Variants in TRIM71 observed in about 807,000 individuals in gnomAD.
TRIM71 encodes tripartite motif containing 71.
TRIM71 carries 9 observed loss-of-function variants against 61.2 expected under a neutral mutation model. That is an observed-to-expected ratio of 0.15 (90% CI 0.09 to 0.26). The LOEUF (loss-of-function observed/expected upper bound fraction) is 0.26, where lower values mean the gene tolerates loss of function less well. Among genes scored for constraint, TRIM71 ranks in the 10% least tolerant of loss-of-function variants. The pLI, the probability that TRIM71 is intolerant of heterozygous loss-of-function variation, is 1.00. For synonymous variants in TRIM71, 645 were observed against 553.2 expected (o/e 1.17, Z -2.33); for missense variants, 998 against 1,238.7 (o/e 0.81, Z 2.92).
At chr3:32,857,785 A>G (rs1696621663) in intron 1 of TRIM71, among the ~76,000 whole-genome samples, 1 of 152,228 alleles carries the variant, frequency 6.6e-6, no homozygotes, top group African/African-American at 2.4e-5. Flanking sequence ...AGCCTGGCCA[A>G]CATGGCGAAA....
intron 2 of TRIM71, among the ~76,000 whole-genome samples, chr3:32,885,028 G>A (rs1006408369): frequency 2.6e-5 from 4 of 151,952 alleles, no homozygotes; most frequent in Admixed American, 6.6e-5. Context: ...GGTTTGCCCC[G>A]GACTGTCCCA....
At chr3:32,820,920 C>T (rs1056653861) in intron 1 of TRIM71, among the ~76,000 whole-genome samples, 1 of 152,150 alleles carries the variant, frequency 6.6e-6, no homozygotes, top group Non-Finnish European at 1.5e-5. Flanking sequence ...TCTGCTTGCT[C>T]CCTTTAGCTT....
At chr3:32,845,113 C>G (rs187655884) in intron 1 of TRIM71, among the ~76,000 whole-genome samples, 19 of 152,298 alleles carry the variant, frequency 1.2e-4, no homozygotes, top group African/African-American at 4.3e-4. Context: ...CTAAATGGAG[C>G]TGAACAGGAG....
At chr3:32,834,837 T>A (rs1696314769) in intron 1 of TRIM71, among the ~76,000 whole-genome samples, 1 of 151,958 alleles carries the variant, frequency 6.6e-6, no homozygotes, top group African/African-American at 2.4e-5. Context: ...CGAGACTCCA[T>A]CTCAAAAAAA....
Position 32,818,613 on chromosome 3 carries a change from G to T in TRIM71, c.533G>T (p.Arg178Leu), listed in dbSNP as rs1428669687. 5.1e-5 allele frequency: 72 copies of T among 1,403,572 alleles called. No homozygotes were observed. Among genetic ancestry groups the T allele is most frequent in the Non-Finnish European group, 6.1e-5 (66 of 1,086,654 alleles). 86.9% of individuals were successfully genotyped at this position (1,403,572 alleles called of 1,614,324 possible). The change falls in exon 1 of 4, where the codon CGC becomes CTC. Residue 178 changes from arginine (R) to leucine (L), a missense_variant. Transcript: ENST00000383763. ...PQAPQPPAPSRSAPGGPAASP... is the reference protein window; with the variant it reads ...PQAPQPPAPSLSAPGGPAASP... ...GCGCCGCAGCCGCCCGCGCCTTCCC[G>T]CTCGGCACCCGGCGGCCCTGCCGCT...
chr3:32,854,014 A>T (rs1243964329), intron 1 of TRIM71, among the ~76,000 whole-genome samples: 1 of 151,990 alleles, frequency 6.6e-6, no homozygotes, highest in Non-Finnish European at 1.5e-5. Context: ...CAAAAAAAAA[A>T]AAAGGAAAGA....
chr3:32,844,534 G>A (rs761605946), intron 1 of TRIM71, among the ~76,000 whole-genome samples: 7 of 152,122 alleles, frequency 4.6e-5, no homozygotes, highest in Non-Finnish European at 1.0e-4. Flanking sequence ...GTAGCTAGGA[G>A]TACAGGCACT....
rs371765696 is a variant in TRIM71 at position 32,885,911 on chromosome 3, G to A, written c.1021-23G>A. On this transcript the variant is annotated intron_variant, in intron 2 of 3. Coordinates refer to ENST00000383763, the MANE Select transcript of TRIM71 (RefSeq NM_001039111.3). Reference sequence around the variant, plus strand: ...ATGACAGTCCTTCTAATGCCTCGAAGTTGTTTCTTTTTGGTTTTCCAGCTG... The same window carrying A: ...ATGACAGTCCTTCTAATGCCTCGAAATTGTTTCTTTTTGGTTTTCCAGCTG... The A allele has an allele frequency of 5.6e-6, 9 of 1,607,246 alleles. No individual in the cohort carries two copies. The African/African-American group carries it at 9.4e-5, about 17-fold the overall frequency.
Position 32,867,508 on chromosome 3 carries a change from G to A in TRIM71, c.853-6310G>A, listed in dbSNP as rs534924598. On this transcript the variant is annotated intron_variant, in intron 1 of 3. Transcript: ENST00000383763. ...GGCTCTGTGGCCTAGGCTGGAGTGCGGCGGTGCGATCATGGCTCACTATAG... is the reference window on the plus strand; with the variant it reads ...GGCTCTGTGGCCTAGGCTGGAGTGCAGCGGTGCGATCATGGCTCACTATAG... Among the ~76,000 whole-genome samples the A allele has an allele frequency of 5.3e-5, 8 of 152,140 alleles. No individual in the cohort carries two copies. In the East Asian group the frequency reaches 9.6e-4, roughly 18 times the overall value.
Position 32,892,666 on chromosome 3 carries a change from C to G in TRIM71, c.*855C>G, listed in dbSNP as rs1014661955. ...TCCCAAAGAACCTCTCCTTTTCACA[C>G]TTTGGTTTCTTAAAAAAGTATATAG... On this transcript the variant is annotated 3_prime_UTR_variant, in exon 4 of 4. Transcript: ENST00000383763. 6.6e-6 allele frequency: 1 copy of G among 152,170 alleles called. No homozygotes were observed. The highest frequency in any genetic ancestry group is 1.5e-5 in the Non-Finnish European group (1 of 68,034). The allele number at this position is 152,170 out of a possible 1,614,324, so 9.4% of individuals were successfully genotyped here.
rs767198564 is a variant in TRIM71, at chr3:32,891,714, G to A, written c.2510G>A (p.Gly837Asp). Residue 837 changes from glycine to aspartate, a missense_variant, in exon 4 of 4, where the codon GGC (glycine) becomes GAC (aspartate). By Grantham distance (94) the Gly-to-Asp change is moderately conservative. This residue lies in a region of TRIM71 where 95 missense variants were observed against 159.0 expected (regional missense o/e 0.60). Coordinates refer to ENST00000383763, the MANE Select transcript of TRIM71 (RefSeq NM_001039111.3). This position sits in a 1 kb window ranked among gnomAD's most constrained non-coding sequence, Gnocchi z 8.2. ...FLCKFGAQGS[G>D]FGQMDRPSGI... ...TGCAAGTTTGGTGCTCAAGGCAGCG[G>A]CTTTGGGCAGATGGACCGCCCTTCC... The A allele has an allele frequency of 3.7e-6, 6 of 1,614,170 alleles. No homozygotes were observed. The highest frequency in any genetic ancestry group is 5.1e-6 in the Non-Finnish European group (6 of 1,180,030).
At position 32,891,868 on chromosome 3, in the gene TRIM71, CTCTCTTTCTCTT is replaced by C. The variant is rs1230821845; in HGVS notation, c.*63_*74del. 1.3e-4 allele frequency: 193 copies of C among 1,477,614 alleles called. No individual in the cohort carries two copies. The East Asian group carries it at 4.4e-3, about 34-fold the overall frequency. The allele number at this position is 1,477,614 out of a possible 1,614,324, so 91.5% of individuals were successfully genotyped here. A position where few individuals can be genotyped will look rare whatever the true frequency, so the allele number is the denominator to read the frequency against. ...TGTGTGCGTGTCTCTCTCTCTCTCT[CTCTCTTTCTCTT>C]TCTCTCTCTTTTTGAATTTCAAAGA... On this transcript the variant is annotated 3_prime_UTR_variant, in exon 4 of 4. Transcript: ENST00000383763. This position sits in a 1 kb window ranked among gnomAD's most constrained non-coding sequence, Gnocchi z 8.2.
At chr3:32,834,394 A>AGTT (rs147592296) in intron 1 of TRIM71, among the ~76,000 whole-genome samples, 3,035 of 152,310 alleles carry the variant, frequency 0.02, 64 homozygotes, top group East Asian at 0.1. Flanking sequence ...CTACAGCTAA[A>AGTT]GTTATCTGTC....
intron 1 of TRIM71, among the ~76,000 whole-genome samples, chr3:32,841,994 C>T (rs1487648489): frequency 6.6e-6 from 1 of 152,150 alleles, no homozygotes; most frequent in African/African-American, 2.4e-5. Flanking sequence ...GGAACAACTC[C>T]ACTCGCTTCT....
Position 32,895,481 on chromosome 3 carries a change from T to G in TRIM71, c.*3670T>G, listed in dbSNP as rs1697067825. Reference sequence around the variant, plus strand: ...AGGCTTGAAGCAGCAAAATACTGTTTATATATGTGTTACCTTCCTCGTTGG... The same window carrying G: ...AGGCTTGAAGCAGCAAAATACTGTTGATATATGTGTTACCTTCCTCGTTGG... On this transcript the variant is annotated 3_prime_UTR_variant, in exon 4 of 4. Coordinates refer to ENST00000383763, the MANE Select transcript of TRIM71 (RefSeq NM_001039111.3). 6.6e-6 allele frequency: 1 copy of G among 152,232 alleles called. No individual in the cohort carries two copies. The allele number at this position is 152,232 out of a possible 1,614,324, so 9.4% of individuals were successfully genotyped here.
chr3:32,879,709 A>C (rs1414235402), intron 2 of TRIM71, among the ~76,000 whole-genome samples: 1 of 151,936 alleles, frequency 6.6e-6, no homozygotes, highest in African/African-American at 2.4e-5. Flanking sequence ...ACTGTAGCTC[A>C]AAACTGTAAC....
intron 1 of TRIM71, among the ~76,000 whole-genome samples, chr3:32,824,962 T>G (rs1175984240): frequency 6.6e-6 from 1 of 152,048 alleles, no homozygotes; most frequent in African/African-American, 2.4e-5. Flanking sequence ...GCCTGGCTAA[T>G]TTTTGTATTT....
rs1169608016 is a variant in TRIM71, at chr3:32,890,231, T to C, written c.1156-129T>C. The C allele has an allele frequency of 3.1e-6, 4 of 1,271,220 alleles. No individual in the cohort carries two copies. Among genetic ancestry groups the C allele is most frequent in the Non-Finnish European group, 4.3e-6 (4 of 925,122 alleles). The allele number at this position is 1,271,220 out of a possible 1,614,324, so 78.7% of individuals were successfully genotyped here. A position where few individuals can be genotyped will look rare whatever the true frequency, so the allele number is the denominator to read the frequency against. On this transcript the variant is annotated intron_variant, in intron 3 of 3. Transcript: ENST00000383763. This position sits in a 1 kb window ranked among gnomAD's most constrained non-coding sequence, Gnocchi z 6.2. ...TGCTGCTTTTGAAGAAAGACAGATGTCTTTTGTAGACCATCCCACAATATG... is the reference window on the plus strand; with the variant it reads ...TGCTGCTTTTGAAGAAAGACAGATGCCTTTTGTAGACCATCCCACAATATG...
chr3:32,850,965 T>C (rs1696532134), intron 1 of TRIM71, among the ~76,000 whole-genome samples: 1 of 152,194 alleles, frequency 6.6e-6, no homozygotes, highest in Non-Finnish European at 1.5e-5. Context: ...AGAAAAGGTG[T>C]TCTCTATCAA....
Sources: allele counts gnomAD v4.1 joint callset (sites outside exome capture counted in the v4.1 genomes callset), GRCh38; gene constraint gnomAD v4.1.1; regional missense constraint gnomAD v4.1.1; non-coding constraint Gnocchi (gnomAD v3.1); transcripts MANE v1.5; gene names NCBI Gene and HGNC (gene_info 2026-07-23, HGNC 2026-07-21).